CES5A: variants seen among roughly 807,000 people sequenced by gnomAD.
CES5A encodes the protein carboxylesterase 5A, also known as carboxylesterase 5.
CES5A carries 67 observed loss-of-function variants against 62.9 expected under a neutral mutation model. The observed-to-expected ratio is 1.07, with a 90% CI of 0.88 to 1.31. CES5A has a LOEUF of 1.31. CES5A is among the 50% of genes most tolerant of loss of function. CES5A has a pLI of 0.00. For missense variants in CES5A, 748 were observed against 708.5 expected (o/e 1.06, Z -0.63); for synonymous variants, 296 against 280.8 (o/e 1.05, Z -0.54).
chr16:55,949,731 G>T, intron 2 of CES5A: 1 of 679,486 alleles, frequency 1.5e-6, no homozygotes, highest in Non-Finnish European at 2.3e-6. Context: ...GTCAGCTGTT[G>T]GCCAGACTCA....
chr16:55,949,756 C>A, intron 2 of CES5A: 1 of 1,205,732 alleles, frequency 8.3e-7, no homozygotes, highest in Non-Finnish European at 1.1e-6. Flanking sequence ...GCAGACCCAA[C>A]CCTGGTAAAT....
At position 55,871,625 on chromosome 16, in the gene CES5A, G is replaced by A. The variant is rs146474777; in HGVS notation, c.417C>T (p.Pro139=). Residue 139 remains proline, a splice_region_variant and synonymous_variant, in exon 3 of 13, where the codon CCC becomes CCT. Coordinates refer to ENST00000290567, the MANE Select transcript of CES5A (RefSeq NM_001143685.2). The stretch of plus-strand genomic sequence containing the variant: ...CGAAGCACACAGCAGGCAGCCTTAC[G>A]GGGAGCTTGGAGCCTGTATCGGCGT... ...PAHADTGSKL[P]VLVWFPGGAF... 284 of 1,613,994 alleles carry A rather than the reference G, an allele frequency of 1.8e-4. 1 individual carries two copies. In the East Asian group the frequency reaches 4.3e-3, roughly 25 times the overall value.
At position 55,941,181 on chromosome 16, in the gene CES5A, T is replaced by C. The variant is rs1191419875; in HGVS notation, c.160+8604A>G. 3.3e-5 allele frequency among the ~76,000 whole-genome samples: 5 copies of C among 152,108 alleles called. No homozygotes were observed. In the East Asian group the frequency reaches 9.6e-4, roughly 29 times the overall value. The stretch of plus-strand genomic sequence containing the variant: ...AAGCAGAGAAAAGAATCAAAAGGCA[T>C]ACAGACTAGAAAAGAAGAAATAAAA... On this transcript the variant is annotated intron_variant, in intron 2 of 13. Coordinates refer to the CES5A transcript ENST00000521992.
chr16:55,954,687 T>TTC (rs2034591115), intron 1 of CES5A, among the ~76,000 whole-genome samples: 1 of 152,180 alleles, frequency 6.6e-6, no homozygotes, highest in Non-Finnish European at 1.5e-5. Context: ...GCCACAGTCC[T>TTC]GGCTGCAGAA....
At chr16:55,932,329 C>T (rs2034322460) in intron 2 of CES5A, among the ~76,000 whole-genome samples, 1 of 152,070 alleles carries the variant, frequency 6.6e-6, no homozygotes, top group South Asian at 2.1e-4. Flanking sequence ...AATTTGTTTT[C>T]TTTATAAATT....
Position 55,905,453 on chromosome 16 carries a change from G to A in CES5A, c.-256+19870C>T, listed in dbSNP as rs191058413. 5.3e-5 allele frequency among the ~76,000 whole-genome samples: 8 copies of A among 150,054 alleles called. No homozygotes were observed. In the East Asian group the frequency reaches 7.8e-4, roughly 15 times the overall value. The stretch of plus-strand genomic sequence containing the variant: ...TCAATCTCGGCTCACTGCAACCTCC[G>A]CCCCCCAAGTTCAAACAATTCTCCT... On this transcript the variant is annotated intron_variant, in intron 1 of 12. Coordinates refer to the CES5A transcript ENST00000518005.
rs145429759 is a variant in CES5A, at chr16:55,859,669, G to A, written c.934C>T (p.Arg312Ter). 63 of 1,609,014 alleles carry A rather than the reference G, an allele frequency of 3.9e-5. No individual in the cohort carries two copies. Among genetic ancestry groups the A allele is most frequent in the Middle Eastern group, 1.7e-4 (1 of 6,032 alleles). The change falls in exon 8 of 13, where the codon CGA (arginine) becomes TGA (stop). Residue 312 changes from arginine to a stop codon, truncating the protein, a stop_gained. Coordinates refer to ENST00000290567, the MANE Select transcript of CES5A (RefSeq NM_001143685.2). LOFTEE classifies it high-confidence loss of function. ...GGAAAGAAAGCACCATCAACCACTC[G>A]AGTGAAAGACTTTGTTTTCTGTAAT... ...TLSQKTKSFT[R>*]VVDGAFFPNE...
At chr16:55,861,625 G>A (rs1179288969) in intron 6 of CES5A, 109 bp from the exon 7 acceptor site, 4 of 755,866 alleles carry the variant, frequency 5.3e-6, no homozygotes, top group Non-Finnish European at 9.3e-6. Context: ...CCATATATGA[G>A]TCCATCCTGC....
In CES5A at chr16:55,934,657, GGTGT is replaced by G. The variant is rs758446998; in HGVS notation, c.160+15124_160+15127del. On this transcript the variant is annotated intron_variant, in intron 2 of 13. Transcript: ENST00000521992. ...CAATAGAAACCAAGAAATTGTGTGG[GGTGT>G]GTGTGTGTGTGTGTGTGCGCGTGTG... Among the ~76,000 whole-genome samples the G allele has an allele frequency of 5.9e-4, 80 of 135,604 alleles. 2 individuals carry two copies. In the East Asian group the frequency reaches 0.01, roughly 18 times the overall value. The allele number at this position is 135,604 out of a possible 152,430, so 89.0% of individuals were successfully genotyped here. A position where few individuals can be genotyped will look rare whatever the true frequency, so the allele number is the denominator to read the frequency against.
At position 55,846,310 on chromosome 16, in the gene CES5A, C is replaced by G; in HGVS notation, c.*141G>C. ...TGAAAAGAATTCTGTAAGGATCATTCCTAAGTCCATAAAATATCAGCGAAA... is the reference window on the plus strand; with the variant it reads ...TGAAAAGAATTCTGTAAGGATCATTGCTAAGTCCATAAAATATCAGCGAAA... On this transcript the variant is annotated 3_prime_UTR_variant, in exon 13 of 13. Coordinates refer to ENST00000290567, the MANE Select transcript of CES5A (RefSeq NM_001143685.2). The G allele has an allele frequency of 1.5e-6, 1 of 662,490 alleles. No individual in the cohort carries two copies. Among genetic ancestry groups the G allele is most frequent in the Non-Finnish European group, 2.6e-6 (1 of 383,956 alleles). The allele number at this position is 662,490 out of a possible 1,614,324, so 41.0% of individuals were successfully genotyped here. A position where few individuals can be genotyped will look rare whatever the true frequency, so the allele number is the denominator to read the frequency against.
intron 1 of CES5A, among the ~76,000 whole-genome samples, chr16:55,953,557 A>G (rs1186040024): frequency 1.3e-5 from 2 of 152,196 alleles, no homozygotes; most frequent in African/African-American, 4.8e-5. Context: ...AAAGGAAAAA[A>G]AAACCTGAAA....
intron 1 of CES5A, among the ~76,000 whole-genome samples, chr16:55,891,305 C>T (rs1306651091): frequency 6.6e-6 from 1 of 152,210 alleles, no homozygotes; most frequent in African/African-American, 2.4e-5. Context: ...AGGGCACACC[C>T]TTCTATAGAA....
At chr16:55,950,818 T>C (rs745575694) in intron 1 of CES5A, among the ~76,000 whole-genome samples, 1 of 151,944 alleles carries the variant, frequency 6.6e-6, no homozygotes, top group Admixed American at 6.6e-5. Context: ...AGACCCACAC[T>C]TGGCCGGGCA....
chr16:55,930,990 G>C (rs564848153), intron 2 of CES5A, among the ~76,000 whole-genome samples: 1 of 152,192 alleles, frequency 6.6e-6, no homozygotes, highest in African/African-American at 2.4e-5. Context: ...GTATGATTCT[G>C]TAAGGTTGGA....
chr16:55,892,265 C>CA (rs1567343326), intron 1 of CES5A, among the ~76,000 whole-genome samples: 1 of 152,148 alleles, frequency 6.6e-6, no homozygotes, highest in African/African-American at 2.4e-5. Flanking sequence ...ACCCCCACAC[C>CA]ACCATCCCTG....
chr16:55,870,708 G>A (rs2033565291), intron 3 of CES5A, among the ~76,000 whole-genome samples: 1 of 152,114 alleles, frequency 6.6e-6, no homozygotes, highest in African/African-American at 2.4e-5. Flanking sequence ...AAAAAAAAGA[G>A]GGAAGAGTAA....
At chr16:55,924,696 C>T (rs1315177218) in intron 1 of CES5A, among the ~76,000 whole-genome samples, 1 of 152,038 alleles carries the variant, frequency 6.6e-6, no homozygotes, top group Non-Finnish European at 1.5e-5. Flanking sequence ...GTAACTAAAT[C>T]AGCGTGCTAC....
chr16:55,912,476 G>C (rs1479320064), intron 1 of CES5A, among the ~76,000 whole-genome samples: 3 of 152,050 alleles, frequency 2.0e-5, no homozygotes, highest in Non-Finnish European at 4.4e-5. Context: ...AAGTTGTCAT[G>C]GAGGAGAAGG....
chr16:55,877,877 G>T (rs2033715021), upstream of CES5A, among the ~76,000 whole-genome samples: 1 of 152,204 alleles, frequency 6.6e-6, no homozygotes, highest in South Asian at 2.1e-4. Context: ...CTGCCCTCGA[G>T]CTGCAGGCTT....
Sources: gnomAD v4.1 joint callset for allele counts (sites outside exome capture counted in the v4.1 genomes callset) on GRCh38, gnomAD v4.1.1 for gene constraint, MANE v1.5 for transcripts, NCBI Gene and HGNC (gene_info 2026-07-23, HGNC 2026-07-21) for gene names.